Variants in GRIA2 observed in about 807,000 individuals in gnomAD.
The protein encoded by GRIA2 is glutamate receptor 2.
Under a neutral mutation model 97.3 loss-of-function variants are expected in GRIA2, and 14 were observed. The ratio of observed to expected loss-of-function variants is 0.14; its 90% CI spans 0.10 to 0.23. The LOEUF is 0.23. Ranked by LOEUF, GRIA2 falls within the 10% of genes least tolerant of loss-of-function variation. The pLI is 1.00. For synonymous variants in GRIA2, 412 were observed against 387.8 expected (o/e 1.06, Z -0.73); for missense variants, 558 against 1,069.8 (o/e 0.52, Z 6.67).
chr4:157,237,553 T>C (rs1730309987), intron 2 of GRIA2, among the ~76,000 whole-genome samples: 1 of 152,152 alleles, frequency 6.6e-6, no homozygotes, highest in African/African-American at 2.4e-5. Flanking sequence ...GTTCTGGGAC[T>C]ATAGGTGTGA....
intron 2 of GRIA2, among the ~76,000 whole-genome samples, chr4:157,281,867 C>G (rs554389278): frequency 6.6e-6 from 1 of 152,222 alleles, no homozygotes; most frequent in East Asian, 1.9e-4. Flanking sequence ...ATTCTACTTG[C>G]AAATTGAACA....
chr4:157,289,172 G>A (rs1732978389), intron 2 of GRIA2, among the ~76,000 whole-genome samples: 1 of 151,842 alleles, frequency 6.6e-6, no homozygotes, highest in South Asian at 2.1e-4. Flanking sequence ...AAGGGAAAAT[G>A]TCTACCTGAA....
intron 2 of GRIA2, among the ~76,000 whole-genome samples, chr4:157,246,893 T>C (rs1305347871): frequency 6.6e-6 from 1 of 152,178 alleles, no homozygotes; most frequent in Non-Finnish European, 1.5e-5. Context: ...TTTCATTTTC[T>C]GTCCATTTTC....
intron 2 of GRIA2, among the ~76,000 whole-genome samples, chr4:157,228,943 A>G (rs915891977): frequency 7.3e-5 from 11 of 151,110 alleles, no homozygotes; most frequent in African/African-American, 2.4e-4. Flanking sequence ...CCAAGCTTCA[A>G]TTTTGGTTTT....
chr4:157,338,008 GTATATATATATATA>G (rs70958818), intron 11 of GRIA2, among the ~76,000 whole-genome samples: 120 of 79,326 alleles, frequency 1.5e-3, no homozygotes, highest in African/African-American at 4.8e-3. Context: ...ATATATATGT[GTATATATATATATA>G]TATATATATA....
intron 6 of GRIA2, among the ~76,000 whole-genome samples, chr4:157,322,024 T>C (rs1266195768): frequency 6.6e-6 from 1 of 151,180 alleles, no homozygotes; most frequent in Non-Finnish European, 1.5e-5. Flanking sequence ...ATGGAGGGGG[T>C]AGGGAATTTT....
At chr4:157,298,345 A>C (rs1733447482) in intron 2 of GRIA2, among the ~76,000 whole-genome samples, 2 of 152,124 alleles carry the variant, frequency 1.3e-5, no homozygotes, top group African/African-American at 2.4e-5. Context: ...CAATGAAAGA[A>C]GTAGAATAAA....
chr4:157,362,675 T>G, intron 14 of GRIA2, 124 bp from the exon 15 acceptor site: 1 of 803,582 alleles, frequency 1.2e-6, no homozygotes, highest in Non-Finnish European at 2.1e-6. Context: ...AATCCATTGT[T>G]TCTCAAATTC....
intron 2 of GRIA2, among the ~76,000 whole-genome samples, chr4:157,242,621 T>C (rs1481452572): frequency 6.6e-6 from 1 of 152,076 alleles, no homozygotes; most frequent in East Asian, 1.9e-4. Flanking sequence ...TTTTCATTAT[T>C]TACAGTAGTT....
chr4:157,236,712 G>A (rs1451474790), intron 2 of GRIA2, among the ~76,000 whole-genome samples: 2 of 152,090 alleles, frequency 1.3e-5, no homozygotes, highest in Non-Finnish European at 2.9e-5. Context: ...ATTTTTTAAA[G>A]CTTTGCTCTT....
chr4:157,248,564 T>TATATATAC (rs1730842863), intron 2 of GRIA2, among the ~76,000 whole-genome samples: 3 of 123,108 alleles, frequency 2.4e-5, no homozygotes, highest in African/African-American at 9.1e-5. Context: ...TATATATATA[T>TATATATAC]ACGTGTGTAT....
intron 2 of GRIA2, among the ~76,000 whole-genome samples, chr4:157,296,767 C>A (rs937701441): frequency 1.3e-5 from 2 of 152,134 alleles, no homozygotes; most frequent in African/African-American, 2.4e-5. Context: ...AAGCAAGGAA[C>A]CCTTCCTGGA....
At chr4:157,298,765 G>A (rs1733478357) in intron 2 of GRIA2, among the ~76,000 whole-genome samples, 1 of 151,652 alleles carries the variant, frequency 6.6e-6, no homozygotes, top group Non-Finnish European at 1.5e-5. Context: ...CATCCTCTTT[G>A]TTGTGCATTT....
chr4:157,282,194 G>A (rs1732637267), intron 2 of GRIA2, among the ~76,000 whole-genome samples: 1 of 151,884 alleles, frequency 6.6e-6, no homozygotes, highest in South Asian at 2.1e-4. Flanking sequence ...TCCATTGTGC[G>A]GTCCCAAAGT....
At chr4:157,311,573 A>G (rs547422222) in intron 3 of GRIA2, among the ~76,000 whole-genome samples, 1 of 152,158 alleles carries the variant, frequency 6.6e-6, no homozygotes, top group East Asian at 1.9e-4. Flanking sequence ...AAAAAGATTT[A>G]AATAAAATTT....
At chr4:157,256,140 T>A (rs1358754944) in intron 2 of GRIA2, among the ~76,000 whole-genome samples, 1 of 116,352 alleles carries the variant, frequency 8.6e-6, no homozygotes, top group Non-Finnish European at 1.9e-5. Context: ...TTACATCAAA[T>A]TGTAATATTA....
chr4:157,229,107 A>T (rs11100100), intron 2 of GRIA2, among the ~76,000 whole-genome samples: 1 of 152,154 alleles, frequency 6.6e-6, no homozygotes, highest in South Asian at 2.1e-4. Flanking sequence ...TTATTTTTAC[A>T]TTTTAGATGG....
chr4:157,356,351 C>T (rs982377025), intron 12 of GRIA2, among the ~76,000 whole-genome samples: 32 of 150,994 alleles, frequency 2.1e-4, no homozygotes, highest in Non-Finnish European at 8.8e-5. Flanking sequence ...GATTGTCAAC[C>T]CCTGTGTTTT....
chr4:157,221,861 TGTGA>T (rs967767601), intron 2 of GRIA2, 54 bp downstream of exon 2: 18 of 1,520,608 alleles, frequency 1.2e-5, no homozygotes, highest in Admixed American at 5.0e-5. Context: ...GGCCAGCGAG[TGTGA>T]GTGTGTGTGT....
Sources: allele counts gnomAD v4.1 joint callset (sites outside exome capture counted in the v4.1 genomes callset), GRCh38; gene constraint gnomAD v4.1.1; transcripts MANE v1.5; gene names NCBI Gene and HGNC (gene_info 2026-07-23, HGNC 2026-07-21).